Variants in ITGA1 observed in about 807,000 individuals in gnomAD.
ITGA1 encodes integrin subunit alpha 1.
In ITGA1, 85 loss-of-function variants were observed where a neutral mutation model predicts 145.9. The observed-to-expected ratio is 0.58, with a 90% CI of 0.49 to 0.70. ITGA1 has a LOEUF of 0.70. Among genes scored for constraint, ITGA1 ranks in the 30% least tolerant of loss-of-function variants. The pLI is 0.00. For missense variants in ITGA1, 1,351 were observed against 1,418.7 expected (o/e 0.95, Z 0.77); for synonymous variants, 520 against 495.3 (o/e 1.05, Z -0.66).
rs775640082 is a variant in ITGA1 at position 52,893,782 on chromosome 5, T to C, written c.1032T>C (p.Asp344=). The change falls in exon 9 of 29, where the codon GAT becomes GAC. Residue 344 remains aspartate, a synonymous_variant. Transcript: ENST00000282588. ...PTEKHFFNVS[D]ELALVTIVKT... ...AAAAGCATTTCTTCAATGTCTCTGA[T>C]GAATTGGCTCTAGTCACCATTGTTA... is the stretch of plus-strand genomic sequence containing the variant. The C allele has an allele frequency of 1.2e-6, 2 of 1,612,992 alleles. No individual in the cohort carries two copies. Among genetic ancestry groups the C allele is most frequent in the South Asian group, 1.1e-5 (1 of 91,030 alleles).
intron 1 of ITGA1, among the ~76,000 whole-genome samples, chr5:52,847,869 T>C (rs925538443): frequency 6.6e-6 from 1 of 152,260 alleles, no homozygotes; most frequent in Non-Finnish European, 1.5e-5. Context: ...CTTAGTTACA[T>C]CTAGGAGAAG....
In ITGA1 at chr5:52,957,924, G is replaced by A. The variant is rs553672383; in HGVS notation, c.*5473G>A. ...CTTTTGCAATAGACTGAGATCCAAT[G>A]TTTAAATCTTTTTATTTCAGTTTGA... is the stretch of plus-strand genomic sequence containing the variant. On this transcript the variant is annotated 3_prime_UTR_variant, in exon 29 of 29. Coordinates refer to ENST00000282588, the MANE Select transcript of ITGA1 (RefSeq NM_181501.2). The A allele has an allele frequency of 6.6e-6, 1 of 152,306 alleles. No homozygotes were observed. Among genetic ancestry groups the A allele is most frequent in the South Asian group, 2.1e-4 (1 of 4,824 alleles). The allele number at this position is 152,306 out of a possible 1,614,324, so 9.4% of individuals were successfully genotyped here.
chr5:52,929,142 A>T (rs1334222588), intron 20 of ITGA1, among the ~76,000 whole-genome samples: 1 of 152,182 alleles, frequency 6.6e-6, no homozygotes, highest in Non-Finnish European at 1.5e-5. Flanking sequence ...CAGTTCTGGA[A>T]GCTGGGAAGT....
rs201015303 is a variant in ITGA1 at position 52,925,311 on chromosome 5, A to G, written c.2437A>G (p.Lys813Glu). The change falls in exon 19 of 29, where the codon AAA (lysine) becomes GAA (glutamate). Residue 813 changes from lysine (K) to glutamate (E), a missense_variant. Lys to Glu is a moderately conservative substitution (Grantham distance 56, BLOSUM62 1). Transcript: ENST00000282588. ...TGCCAAAGATTGTGGAAATAAGGAA[A>G]AATGTATCTCAGACCTCAGCCTGCA... is the stretch of plus-strand genomic sequence containing the variant. ...PFAKDCGNKE[K>E]CISDLSLHVA... 6 of 1,614,104 alleles carry G rather than the reference A, an allele frequency of 3.7e-6. No individual in the cohort carries two copies. In the African/African-American group the frequency reaches 6.7e-5, roughly 18 times the overall value.
At chr5:52,931,688 AG>A (rs1327233915) in intron 21 of ITGA1, 2 of 162,094 alleles carry the variant, frequency 1.2e-5, no homozygotes, top group African/African-American at 4.8e-5. Context: ...GGTTAAAAAC[AG>A]AAATTCCTGC....
At chr5:52,869,358 G>A (rs752847898) in intron 6 of ITGA1, among the ~76,000 whole-genome samples, 9 of 151,922 alleles carry the variant, frequency 5.9e-5, no homozygotes, top group South Asian at 2.1e-4. Flanking sequence ...ATAGGGTTTC[G>A]CCATGTTGGC....
chr5:52,903,376 A>G (rs1227438362), intron 11 of ITGA1: 1 of 152,198 alleles, frequency 6.6e-6, no homozygotes, highest in Non-Finnish European at 1.5e-5. Context: ...TTCATTTTAA[A>G]ACAATATTGT....
chr5:52,915,719 T>A, intron 15 of ITGA1, 125 bp downstream of exon 15: 4 of 1,183,984 alleles, frequency 3.4e-6, no homozygotes, highest in Non-Finnish European at 4.8e-6. Context: ...AAATACAAGT[T>A]ATTCAGTTGA....
At chr5:52,846,043 G>A (rs978036318) in intron 1 of ITGA1, among the ~76,000 whole-genome samples, 1 of 151,894 alleles carries the variant, frequency 6.6e-6, no homozygotes, top group Non-Finnish European at 1.5e-5. Context: ...GCTGTATATC[G>A]CCTATGTCTT....
chr5:52,881,756 C>A, intron 6 of ITGA1, 117 bp from the exon 7 acceptor site: 1 of 827,876 alleles, frequency 1.2e-6, no homozygotes, highest in Non-Finnish European at 1.9e-6. Context: ...CATTTGTGTA[C>A]TGATAGGTTT....
At chr5:52,832,440 T>C (rs918924556) in intron 1 of ITGA1, among the ~76,000 whole-genome samples, 14 of 152,176 alleles carry the variant, frequency 9.2e-5, no homozygotes, top group Non-Finnish European at 4.4e-5. Flanking sequence ...AAGGTAGTTG[T>C]TGGCTTCTGA....
intron 6 of ITGA1, among the ~76,000 whole-genome samples, chr5:52,872,994 G>A: frequency 6.6e-6 from 1 of 152,114 alleles, no homozygotes; most frequent in East Asian, 1.9e-4. Context: ...TGAATTACAT[G>A]ACGACAGAAT....
chr5:52,836,260 A>C (rs1385304318), intron 1 of ITGA1, among the ~76,000 whole-genome samples: 1 of 152,178 alleles, frequency 6.6e-6, no homozygotes, highest in Non-Finnish European at 1.5e-5. Flanking sequence ...GATTATTTGC[A>C]CATCTCTGAA....
In ITGA1 at chr5:52,797,836, A is replaced by G. The variant is rs78754283; in HGVS notation, c.61+9422A>G. ...ACCTTACAGGGGAGAATTAGAGCAT[A>G]GGAAAGAACTTGATAAACATTCAAT... On this transcript the variant is annotated intron_variant, in intron 1 of 28. Transcript: ENST00000282588. Among the ~76,000 whole-genome samples, 854 of 152,338 alleles carry G rather than the reference A, an allele frequency of 5.6e-3. 8 individuals are homozygous for G. Among genetic ancestry groups the G allele is most frequent in the African/African-American group, 0.02 (824 of 41,590 alleles).
intron 27 of ITGA1, 57 bp downstream of exon 27, chr5:52,945,092 T>C (rs2111907840): frequency 7.8e-7 from 1 of 1,277,848 alleles, no homozygotes; most frequent in Admixed American, 1.7e-5. Flanking sequence ...TTTTGTGACA[T>C]AATGTTTTAT....
At chr5:52,944,512 G>A (rs1277667527) in intron 26 of ITGA1, among the ~76,000 whole-genome samples, 2 of 152,054 alleles carry the variant, frequency 1.3e-5, no homozygotes, top group Non-Finnish European at 2.9e-5. Context: ...GATAATTTGG[G>A]ATCTCTTAGT....
intron 11 of ITGA1, among the ~76,000 whole-genome samples, chr5:52,900,898 GTTA>G (rs1554045779): frequency 6.6e-6 from 1 of 151,860 alleles, no homozygotes; most frequent in Non-Finnish European, 1.5e-5. Context: ...TTATGTAAAT[GTTA>G]TTATGTATTT....
At chr5:52,882,061 A>G (rs1295514092) in intron 7 of ITGA1, 40 bp downstream of exon 7, 1 of 1,475,150 alleles carries the variant, frequency 6.8e-7, no homozygotes, top group Non-Finnish European at 9.1e-7. Flanking sequence ...AAAGACTGCA[A>G]AAATAACTGC....
chr5:52,926,527 G>A (rs994858466), intron 19 of ITGA1, among the ~76,000 whole-genome samples: 12 of 152,058 alleles, frequency 7.9e-5, no homozygotes, highest in South Asian at 2.1e-4. Context: ...ACTTGAACCC[G>A]GGAGGTGGAG....
Sources: allele counts gnomAD v4.1 joint callset (sites outside exome capture counted in the v4.1 genomes callset), GRCh38; gene constraint gnomAD v4.1.1; transcripts MANE v1.5; gene names NCBI Gene and HGNC (gene_info 2026-07-23, HGNC 2026-07-21).